Variants in EBF1 observed in about 807,000 individuals in gnomAD.
EBF1 encodes EBF transcription factor 1.
Under a neutral mutation model 68.4 loss-of-function variants are expected in EBF1, and 10 were observed. That is an observed-to-expected ratio of 0.15 (90% CI 0.09 to 0.25). The LOEUF is 0.25. EBF1 is among the 10% of genes least tolerant of loss of function. The pLI is 1.00. For missense variants in EBF1, 509 were observed against 794.4 expected (o/e 0.64, Z 4.32); for synonymous variants, 298 against 299.8 (o/e 0.99, Z 0.06).
chr5:158,698,885 C>A lies in EBF1; in HGVS notation c.*226G>T. On this transcript the variant is annotated 3_prime_UTR_variant, in exon 16 of 16. Transcript: ENST00000313708. ...GTCAATACAGAATAAATATATCCCC[C>A]AAATACTTGGGAGGTACAACTTTAA... 1 of 426,666 alleles carries A rather than the reference C, an allele frequency of 2.3e-6. No individual in the cohort carries two copies. Among genetic ancestry groups the A allele is most frequent in the Non-Finnish European group, 4.2e-6 (1 of 240,380 alleles). The allele number at this position is 426,666 out of a possible 1,614,324, so 26.4% of individuals were successfully genotyped here.
At chr5:159,018,830 C>T (rs1274241425) in intron 6 of EBF1, 1 of 152,130 alleles carries the variant, frequency 6.6e-6, no homozygotes, top group African/African-American at 2.4e-5. Context: ...AGAGTTGAAC[C>T]CAGGTCTGTC....
At chr5:159,034,521 G>T (rs1168074518) in intron 6 of EBF1, among the ~76,000 whole-genome samples, 1 of 152,180 alleles carries the variant, frequency 6.6e-6, no homozygotes, top group Non-Finnish European at 1.5e-5. Context: ...CACCTTGACA[G>T]CAAATCGATT....
chr5:158,772,092 G>A (rs1246227978), intron 10 of EBF1, among the ~76,000 whole-genome samples: 5 of 152,108 alleles, frequency 3.3e-5, no homozygotes, highest in Admixed American at 6.5e-5. Flanking sequence ...CTTGGGCTAC[G>A]TCTTACATAC....
chr5:158,993,630 T>C (rs943552955), intron 6 of EBF1, among the ~76,000 whole-genome samples: 4 of 152,108 alleles, frequency 2.6e-5, no homozygotes, highest in Non-Finnish European at 2.9e-5. Flanking sequence ...TCTTTTCTTG[T>C]CTGTAAAATG....
At chr5:159,057,625 G>A (rs1775018053) in intron 6 of EBF1, among the ~76,000 whole-genome samples, 1 of 152,220 alleles carries the variant, frequency 6.6e-6, no homozygotes, top group Non-Finnish European at 1.5e-5. Context: ...ACCAGAGCCA[G>A]GGACTTGGCT....
intron 14 of EBF1, among the ~76,000 whole-genome samples, chr5:158,711,727 G>A (rs541862756): frequency 6.6e-6 from 1 of 152,038 alleles, no homozygotes; most frequent in East Asian, 1.9e-4. Context: ...GCACTGGAGT[G>A]CAGTGGCACA....
At chr5:158,926,743 A>T (rs911778461) in intron 6 of EBF1, among the ~76,000 whole-genome samples, 8 of 151,564 alleles carry the variant, frequency 5.3e-5, no homozygotes, top group African/African-American at 1.9e-4. Context: ...AAAAAAAAAG[A>T]AAAGAAAAAA....
chr5:159,077,843 A>T (rs548719097), intron 5 of EBF1, among the ~76,000 whole-genome samples: 102 of 140,242 alleles, frequency 7.3e-4, no homozygotes, highest in African/African-American at 2.7e-3. Flanking sequence ...GGCTCAAGCG[A>T]TCCTCCCACC....
At chr5:158,766,655 A>G (rs1160416776) in intron 10 of EBF1, among the ~76,000 whole-genome samples, 2 of 152,176 alleles carry the variant, frequency 1.3e-5, no homozygotes, top group Non-Finnish European at 2.9e-5. Context: ...ATTCTAAAAA[A>G]AGACAAGATA....
intron 9 of EBF1, among the ~76,000 whole-genome samples, chr5:158,790,946 G>A (rs1176933084): frequency 2.0e-5 from 3 of 152,166 alleles, no homozygotes; most frequent in Non-Finnish European, 4.4e-5. Flanking sequence ...AAGAACAATA[G>A]TGGAAGAAAA....
intron 6 of EBF1, among the ~76,000 whole-genome samples, chr5:158,861,125 C>T (rs1381148924): frequency 6.6e-6 from 1 of 152,050 alleles, no homozygotes; most frequent in Non-Finnish European, 1.5e-5. Context: ...GTCACTTGTC[C>T]CCTGTGTCCC....
chr5:158,875,741 A>G (rs1562189426), intron 6 of EBF1, among the ~76,000 whole-genome samples: 1 of 152,234 alleles, frequency 6.6e-6, no homozygotes, highest in Non-Finnish European at 1.5e-5. Flanking sequence ...AAGAGTTAAT[A>G]TTCATTTGAA....
At chr5:158,750,766 A>C (rs1768669268) in intron 10 of EBF1, among the ~76,000 whole-genome samples, 1 of 151,098 alleles carries the variant, frequency 6.6e-6, no homozygotes, top group African/African-American at 2.4e-5. Context: ...TACCACTTGC[A>C]AAAAAAAATC....
At chr5:158,980,868 A>G (rs950869739) in intron 6 of EBF1, among the ~76,000 whole-genome samples, 6 of 152,198 alleles carry the variant, frequency 3.9e-5, no homozygotes, top group Non-Finnish European at 8.8e-5. Context: ...CCCCTTGTCT[A>G]TATCAAGGGA....
intron 6 of EBF1, among the ~76,000 whole-genome samples, chr5:159,063,474 A>G (rs988128178): frequency 6.6e-6 from 1 of 152,168 alleles, no homozygotes; most frequent in Non-Finnish European, 1.5e-5. Context: ...ATATATCAAT[A>G]TATTCTTTGT....
chr5:158,899,540 C>T (rs1344460921), intron 6 of EBF1, among the ~76,000 whole-genome samples: 1 of 152,134 alleles, frequency 6.6e-6, no homozygotes, highest in Non-Finnish European at 1.5e-5. Context: ...AGAGGATGTC[C>T]CTCTGAATCC....
intron 8 of EBF1, among the ~76,000 whole-genome samples, chr5:158,805,259 GA>G (rs1309425356): frequency 6.6e-6 from 1 of 152,098 alleles, no homozygotes; most frequent in Non-Finnish European, 1.5e-5. Context: ...CCTGGGCCTG[GA>G]AAATCATAAA....
intron 6 of EBF1, among the ~76,000 whole-genome samples, chr5:159,035,726 G>A (rs1769907652): frequency 1.3e-5 from 2 of 152,180 alleles, no homozygotes; most frequent in South Asian, 4.2e-4. Context: ...TTTTATATGG[G>A]TAGGCAAGAA....
chr5:158,754,243 C>T (rs961409042), intron 10 of EBF1, among the ~76,000 whole-genome samples: 15 of 152,096 alleles, frequency 9.9e-5, no homozygotes, highest in African/African-American at 3.6e-4. Context: ...ATGATTTACT[C>T]TCTTGAAATA....
Sources: allele counts gnomAD v4.1 joint callset (sites outside exome capture counted in the v4.1 genomes callset), GRCh38; gene constraint gnomAD v4.1.1; transcripts MANE v1.5; gene names NCBI Gene and HGNC (gene_info 2026-07-23, HGNC 2026-07-21).